BABAM2: variants seen among roughly 807,000 people sequenced by gnomAD.
BABAM2 encodes BRISC and BRCA1 A complex member 2.
A neutral mutation model predicts 54.7 loss-of-function variants in BABAM2; 31 were observed. The ratio of observed to expected loss-of-function variants is 0.57; its 90% CI spans 0.43 to 0.77. BABAM2 has a LOEUF of 0.77. Among genes scored for constraint, BABAM2 ranks in the 30% least tolerant of loss-of-function variants. The pLI, the probability that BABAM2 is intolerant of heterozygous loss-of-function variation, is 0.00. For synonymous variants in BABAM2, 167 were observed against 162.9 expected, an observed-to-expected ratio of 1.03 and a Z score of -0.19; for missense variants, 364 against 455.8, an observed-to-expected ratio of 0.80 and a Z score of 1.83.
intron 7 of BABAM2, among the ~76,000 whole-genome samples, chr2:28,163,573 A>G (rs920548921): frequency 1.3e-5 from 2 of 152,214 alleles, no homozygotes; most frequent in East Asian, 1.9e-4. Flanking sequence ...CATGAATGCC[A>G]TAAGAATAAT....
chr2:28,210,646 T>A (rs934340412), intron 7 of BABAM2, among the ~76,000 whole-genome samples: 3 of 152,134 alleles, frequency 2.0e-5, no homozygotes, highest in African/African-American at 7.2e-5. Context: ...GAGAAAGCAT[T>A]ATAAAATGCA....
chr2:28,021,469 A>C (rs1675262764), intron 4 of BABAM2, among the ~76,000 whole-genome samples: 3 of 152,142 alleles, frequency 2.0e-5, no homozygotes. Flanking sequence ...ACATTCTTTT[A>C]TGCCATTTAA....
intron 3 of BABAM2, among the ~76,000 whole-genome samples, chr2:27,936,129 A>G (rs1478006673): frequency 6.6e-6 from 1 of 152,154 alleles, no homozygotes; most frequent in Non-Finnish European, 1.5e-5. Flanking sequence ...CATATTAGCC[A>G]GGCTGGTCTT....
intron 6 of BABAM2, among the ~76,000 whole-genome samples, chr2:28,051,633 A>AGTCATAAAG (rs1390675507): frequency 6.6e-6 from 1 of 150,980 alleles, no homozygotes; most frequent in Non-Finnish European, 1.5e-5. Context: ...AGGAGCTCAG[A>AGTCATAAAG]GTCATAAAGG....
At chr2:28,253,260 G>A (rs777335350) in intron 10 of BABAM2, among the ~76,000 whole-genome samples, 1 of 152,022 alleles carries the variant, frequency 6.6e-6, no homozygotes, top group Non-Finnish European at 1.5e-5. Flanking sequence ...AAATTAGCCA[G>A]GTGTGGTGGC....
intron 7 of BABAM2, among the ~76,000 whole-genome samples, chr2:28,169,821 T>C (rs1419971543): frequency 6.7e-6 from 1 of 148,192 alleles, no homozygotes; most frequent in Admixed American, 6.7e-5. Context: ...GATATTACAG[T>C]GTAGCAGCAT....
intron 6 of BABAM2, among the ~76,000 whole-genome samples, chr2:28,082,992 GTCTTA>G (rs139352443): frequency 0.036 from 5,545 of 152,136 alleles, 139 homozygotes; most frequent in Middle Eastern, 0.082. Flanking sequence ...CAGTACCTGG[GTCTTA>G]TCTTCTCTCC....
chr2:28,159,247 A>G (rs1268097594), intron 7 of BABAM2, among the ~76,000 whole-genome samples: 1 of 152,212 alleles, frequency 6.6e-6, no homozygotes, highest in Non-Finnish European at 1.5e-5. Flanking sequence ...ATAAGATTGA[A>G]GATGTCCGAC....
chr2:28,251,404 T>G (rs577797335), intron 10 of BABAM2, among the ~76,000 whole-genome samples: 1 of 152,348 alleles, frequency 6.6e-6, no homozygotes, highest in African/African-American at 2.4e-5. Context: ...CTTCTGTTTA[T>G]TGCTACAAAT....
chr2:27,903,387 T>C (rs142441852), intron 2 of BABAM2, among the ~76,000 whole-genome samples: 1 of 152,248 alleles, frequency 6.6e-6, no homozygotes. Context: ...ATTTAAATAG[T>C]TGTATACTGT....
intron 6 of BABAM2, among the ~76,000 whole-genome samples, chr2:28,126,542 A>G (rs1429089100): frequency 7.1e-6 from 1 of 141,070 alleles, no homozygotes; most frequent in Non-Finnish European, 1.6e-5. Flanking sequence ...CCAGTCTATC[A>G]TTGTTGGACA....
chr2:28,314,879 G>T (rs1416264419), intron 11 of BABAM2, among the ~76,000 whole-genome samples: 1 of 151,974 alleles, frequency 6.6e-6, no homozygotes, highest in South Asian at 2.1e-4. Context: ...GTGCACAAAG[G>T]CCCAGAAGAT....
chr2:27,958,522 A>G (rs914898932), intron 3 of BABAM2, among the ~76,000 whole-genome samples: 8 of 149,552 alleles, frequency 5.3e-5, no homozygotes, highest in Admixed American at 3.4e-4. Flanking sequence ...ATACATATAC[A>G]TATATGCATA....
At chr2:28,244,657 A>T in intron 9 of BABAM2, 123 bp from the exon 10 acceptor site, 2 of 847,022 alleles carry the variant, frequency 2.4e-6, no homozygotes, top group Non-Finnish European at 3.7e-6. Flanking sequence ...CACTTGCCTT[A>T]AACCCATCTC....
chr2:27,914,906 C>G (rs1052634223), intron 2 of BABAM2, among the ~76,000 whole-genome samples: 2 of 148,860 alleles, frequency 1.3e-5, no homozygotes, highest in Admixed American at 1.3e-4. Context: ...AGTTTGAAAG[C>G]CTCTGGCCTA....
At chr2:28,094,795 T>G (rs948174593) in intron 6 of BABAM2, among the ~76,000 whole-genome samples, 1 of 152,098 alleles carries the variant, frequency 6.6e-6, no homozygotes, top group Non-Finnish European at 1.5e-5. Flanking sequence ...TTCTCATTTA[T>G]TCTCTTCCTT....
chr2:28,326,521 GC>G (rs1690473289), intron 11 of BABAM2, among the ~76,000 whole-genome samples: 2 of 152,104 alleles, frequency 1.3e-5, no homozygotes, highest in Admixed American at 1.3e-4. Flanking sequence ...CCCCAGCCCA[GC>G]CAGGTGCACC....
intron 3 of BABAM2, among the ~76,000 whole-genome samples, chr2:27,985,386 T>C (rs765971214): frequency 6.6e-6 from 1 of 152,134 alleles, no homozygotes; most frequent in Non-Finnish European, 1.5e-5. Context: ...CGCCAACATC[T>C]ATTATTAATA....
intron 6 of BABAM2, among the ~76,000 whole-genome samples, chr2:28,114,417 A>G (rs1668413111): frequency 6.6e-6 from 1 of 152,224 alleles, no homozygotes. Context: ...ATATAGAAAC[A>G]ACTGAGGAGT....
Sources: allele counts gnomAD v4.1 joint callset (sites outside exome capture counted in the v4.1 genomes callset), GRCh38; gene constraint gnomAD v4.1.1; transcripts MANE v1.5; gene names NCBI Gene and HGNC (gene_info 2026-07-23, HGNC 2026-07-21).